The following ITPK1 variants were observed in gnomAD, a reference collection of about 807,000 sequenced individuals.
ITPK1 encodes inositol-tetrakisphosphate 1-kinase.
In ITPK1, 21 loss-of-function variants were observed where a neutral mutation model predicts 45.3. The ratio of observed to expected loss-of-function variants is 0.46; its 90% CI spans 0.33 to 0.67. ITPK1 has a LOEUF of 0.67. ITPK1 is among the 30% of genes least tolerant of loss of function. The pLI, the probability that ITPK1 is intolerant of heterozygous loss-of-function variation, is 0.02. For missense variants in ITPK1, 474 were observed against 573.5 expected, an observed-to-expected ratio of 0.83 and a Z score of 1.77; for synonymous variants, 258 against 253.6, an observed-to-expected ratio of 1.02 and a Z score of -0.16.
intron 8 of ITPK1, among the ~76,000 whole-genome samples, chr14:92,957,588 A>G (rs1334499789): frequency 6.6e-6 from 1 of 152,152 alleles, no homozygotes; most frequent in African/African-American, 2.4e-5. Context: ...CATGCAGAGA[A>G]CGCCCTATGT....
chr14:92,965,254 G>A (rs192489684), intron 5 of ITPK1, among the ~76,000 whole-genome samples: 1 of 152,316 alleles, frequency 6.6e-6, no homozygotes, highest in East Asian at 1.9e-4. Flanking sequence ...CATATCAATA[G>A]AGGACAAAAA....
At chr14:93,092,356 C>T (rs1468835985) in intron 2 of ITPK1, among the ~76,000 whole-genome samples, 1 of 152,180 alleles carries the variant, frequency 6.6e-6, no homozygotes, top group Non-Finnish European at 1.5e-5. Context: ...TACGGCACCA[C>T]GGAAGCCTGG....
chr14:93,002,662 T>A (rs1450531288), intron 4 of ITPK1, among the ~76,000 whole-genome samples: 1 of 151,780 alleles, frequency 6.6e-6, no homozygotes, highest in Non-Finnish European at 1.5e-5. Flanking sequence ...AGGTAGAGCA[T>A]CCAAGAAAAA....
chr14:92,969,373 C>T (rs1885536501), intron 5 of ITPK1, among the ~76,000 whole-genome samples: 1 of 150,990 alleles, frequency 6.6e-6, no homozygotes, highest in Admixed American at 6.6e-5. Flanking sequence ...TGGTGAGGGG[C>T]ACCTTCCAAA....
In ITPK1 at chr14:92,940,831, G is replaced by A. The variant is rs1887334503; in HGVS notation, c.*730C>T. 1 of 1,287,002 alleles carries A rather than the reference G, an allele frequency of 7.8e-7. No homozygotes were observed. Among genetic ancestry groups the A allele is most frequent in the African/African-American group, 1.5e-5 (1 of 65,832 alleles). The allele number at this position is 1,287,002 out of a possible 1,614,324, so 79.7% of individuals were successfully genotyped here. A position where few individuals can be genotyped will look rare whatever the true frequency, so the allele number is the denominator to read the frequency against. On this transcript the variant is annotated 3_prime_UTR_variant, in exon 11 of 11. Coordinates refer to ENST00000267615, the MANE Select transcript of ITPK1 (RefSeq NM_014216.6). Reference sequence around the variant, plus strand: ...CAGGCAGCCTCCTTCCCGGGCTCCAGGGAGCAGCAGTGCTGGCTTAGGGGA... The same window carrying A: ...CAGGCAGCCTCCTTCCCGGGCTCCAAGGAGCAGCAGTGCTGGCTTAGGGGA...
chr14:92,950,912 T>C (rs1018668579), intron 9 of ITPK1, among the ~76,000 whole-genome samples: 1 of 152,238 alleles, frequency 6.6e-6, no homozygotes, highest in Admixed American at 6.5e-5. Flanking sequence ...ATGGCGATGT[T>C]CCCTCCAGGT....
intron 5 of ITPK1, among the ~76,000 whole-genome samples, chr14:92,975,464 C>A (rs1197959358): frequency 6.6e-6 from 1 of 152,166 alleles, no homozygotes; most frequent in Non-Finnish European, 1.5e-5. Context: ...GTGCCTGGGA[C>A]CTGCCCTAGA....
At position 92,958,469 on chromosome 14, in the gene ITPK1, C is replaced by T. The variant is rs1884871694; in HGVS notation, c.505-103G>A. The T allele has an allele frequency of 1.7e-6, 2 of 1,151,332 alleles. No homozygotes were observed. The highest frequency in any genetic ancestry group is 2.5e-6 in the Non-Finnish European group (2 of 791,710). The allele number at this position is 1,151,332 out of a possible 1,614,324, so 71.3% of individuals were successfully genotyped here. A position where few individuals can be genotyped will look rare whatever the true frequency, so the allele number is the denominator to read the frequency against. ...CCAGAGCACCTCCACCAAGGCCCAT[C>T]CCTGGTCCTGTGGCATGAGGACTCC... On this transcript the variant is annotated intron_variant, in intron 7 of 10. Transcript: ENST00000267615. The surrounding 1 kb of genome is among the most constrained non-coding windows in gnomAD (Gnocchi z 4.4).
rs142883173 is a variant in ITPK1 at position 92,980,738 on chromosome 14, C to T, written c.364+13142G>A. 5.2e-3 allele frequency among the ~76,000 whole-genome samples: 789 copies of T among 152,182 alleles called. 6 individuals carry two copies. The highest frequency in any genetic ancestry group is 0.018 in the African/African-American group (738 of 41,516). On this transcript the variant is annotated intron_variant, in intron 5 of 10. Coordinates refer to ENST00000267615, the MANE Select transcript of ITPK1 (RefSeq NM_014216.6). ...TTGCCCAGGCTAGAGTGCAGTGGTG[C>T]GATCTTGGTTCACTATAACCTCCGC...
At chr14:93,052,658 G>A (rs116626996) in intron 3 of ITPK1, among the ~76,000 whole-genome samples, 1,798 of 152,202 alleles carry the variant, frequency 0.012, 38 homozygotes, top group African/African-American at 0.041. Context: ...AAGCCTCACC[G>A]GCCTTCTGGC....
intron 2 of ITPK1, among the ~76,000 whole-genome samples, chr14:93,111,205 C>A (rs929059138): frequency 2.0e-5 from 3 of 152,192 alleles, no homozygotes; most frequent in Non-Finnish European, 4.4e-5. Context: ...TCCGCCCCCA[C>A]CTCCTGCAAC....
At chr14:92,991,892 C>T (rs531173062) in intron 5 of ITPK1, among the ~76,000 whole-genome samples, 28 of 152,290 alleles carry the variant, frequency 1.8e-4, no homozygotes, top group Middle Eastern at 3.4e-3. Flanking sequence ...CCCGGGTGAC[C>T]CAGTGGGCCG....
rs892369833 is a variant in ITPK1 at position 93,096,744 on chromosome 14, G to A, written c.95+18325C>T. 5.3e-5 allele frequency among the ~76,000 whole-genome samples: 8 copies of A among 152,156 alleles called. No homozygotes were observed. The East Asian group carries it at 9.6e-4, about 18-fold the overall frequency. On this transcript the variant is annotated intron_variant, in intron 2 of 10. Coordinates refer to ENST00000267615, the MANE Select transcript of ITPK1 (RefSeq NM_014216.6). The stretch of plus-strand genomic sequence containing the variant: ...GGAATGTTCAAGAATGTAGGGGCTC[G>A]AATGTTCTAGAATGTAGGGGCTCCA...
Position 92,940,852 on chromosome 14 carries a change from G to A in ITPK1, c.*709C>T. 1 of 1,288,138 alleles carries A rather than the reference G, an allele frequency of 7.8e-7. No individual in the cohort carries two copies. The highest frequency in any genetic ancestry group is 1.2e-5 in the South Asian group (1 of 80,866). The allele number at this position is 1,288,138 out of a possible 1,614,324, so 79.8% of individuals were successfully genotyped here. A position where few individuals can be genotyped will look rare whatever the true frequency, so the allele number is the denominator to read the frequency against. On this transcript the variant is annotated 3_prime_UTR_variant, in exon 11 of 11. Transcript: ENST00000267615. ...TCCAGGGAGCAGCAGTGCTGGCTTAGGGGAAGGAGACCGCTGTGCAGGGCT... is the reference window on the plus strand; with the variant it reads ...TCCAGGGAGCAGCAGTGCTGGCTTAAGGGAAGGAGACCGCTGTGCAGGGCT...
intron 5 of ITPK1, among the ~76,000 whole-genome samples, chr14:92,977,086 G>C (rs1305369650): frequency 2.6e-5 from 4 of 152,220 alleles, no homozygotes; most frequent in Admixed American, 1.3e-4. Context: ...ATGGCAATAA[G>C]AGCAGTCCTG....
At chr14:92,998,404 C>A (rs1305029375) in intron 4 of ITPK1, among the ~76,000 whole-genome samples, 4 of 152,198 alleles carry the variant, frequency 2.6e-5, no homozygotes, top group African/African-American at 7.2e-5. Context: ...TGCAACACAA[C>A]CTCCCAACCC....
chr14:93,105,017 G>A lies in ITPK1; in HGVS notation c.95+10052C>T, dbSNP rs141779668. ...AAACTAGCTCCTTTCTATACACTCC[G>A]GGCAAACCAGCAGCCAGAGGCAAGA... On this transcript the variant is annotated intron_variant, in intron 2 of 10. Coordinates refer to ENST00000267615, the MANE Select transcript of ITPK1 (RefSeq NM_014216.6). Among the ~76,000 whole-genome samples, 243 of 152,284 alleles carry A rather than the reference G, an allele frequency of 1.6e-3. 3 individuals are homozygous for A. Among genetic ancestry groups the A allele is most frequent in the East Asian group, 9.1e-3 (47 of 5,176 alleles).
chr14:93,033,911 A>G, intron 3 of ITPK1, among the ~76,000 whole-genome samples: 1 of 151,970 alleles, frequency 6.6e-6, no homozygotes, highest in Admixed American at 6.6e-5. Context: ...CAGAAAGAGA[A>G]GCAGGACTGC....
At chr14:93,003,449 G>A (rs954262819) in intron 4 of ITPK1, among the ~76,000 whole-genome samples, 4 of 152,230 alleles carry the variant, frequency 2.6e-5, no homozygotes, top group African/African-American at 9.6e-5. Context: ...AAAACCACAT[G>A]CCACAGATAG....
Sources: allele counts gnomAD v4.1 joint callset (sites outside exome capture counted in the v4.1 genomes callset), GRCh38; gene constraint gnomAD v4.1.1; non-coding constraint Gnocchi (gnomAD v3.1); transcripts MANE v1.5; gene names NCBI Gene and HGNC (gene_info 2026-07-23, HGNC 2026-07-21).